ARL15: variants seen among roughly 807,000 people sequenced by gnomAD.
ARL15 encodes the protein ADP-ribosylation factor-like protein 15.
A neutral mutation model predicts 25.2 loss-of-function variants in ARL15; 19 were observed. The observed-to-expected ratio is 0.75, with a 90% CI of 0.53 to 1.10. The LOEUF is 1.10. Ranked by LOEUF, ARL15 falls within the 50% of genes least tolerant of loss-of-function variation. ARL15 has a pLI of 0.00. For missense variants in ARL15, 220 were observed against 246.0 expected, an observed-to-expected ratio of 0.89 and a Z score of 0.71; for synonymous variants, 94 against 86.8, an observed-to-expected ratio of 1.08 and a Z score of -0.46.
intron 1 of ARL15, among the ~76,000 whole-genome samples, chr5:54,290,812 A>G (rs1011137933): frequency 2.6e-5 from 4 of 152,184 alleles, no homozygotes; most frequent in Non-Finnish European, 5.9e-5. Flanking sequence ...AATTAAATGA[A>G]CACAACTTTT....
intron 3 of ARL15, among the ~76,000 whole-genome samples, chr5:54,116,077 T>C (rs1332934606): frequency 6.6e-6 from 1 of 152,152 alleles, no homozygotes; most frequent in Non-Finnish European, 1.5e-5. Flanking sequence ...AAAGCATGGA[T>C]TGAACCACAG....
At chr5:54,198,031 C>A (rs1232612548) in intron 1 of ARL15, among the ~76,000 whole-genome samples, 1 of 151,834 alleles carries the variant, frequency 6.6e-6, no homozygotes, top group Non-Finnish European at 1.5e-5. Context: ...ATAAACAGAA[C>A]CAAAGACAAA....
intron 1 of ARL15, among the ~76,000 whole-genome samples, chr5:54,242,601 G>A (rs1212714272): frequency 1.3e-5 from 2 of 152,150 alleles, no homozygotes; most frequent in Non-Finnish European, 2.9e-5. Context: ...TGGAAGGGTT[G>A]CTGAGAGGCC....
intron 1 of ARL15, among the ~76,000 whole-genome samples, chr5:54,174,366 C>A (rs766350083): frequency 4.6e-5 from 7 of 152,128 alleles, no homozygotes; most frequent in Non-Finnish European, 8.8e-5. Context: ...GCCTAGTTCC[C>A]AAAAGAGTGG....
chr5:53,975,448 C>T (rs1056580596), intron 4 of ARL15, among the ~76,000 whole-genome samples: 1 of 152,308 alleles, frequency 6.6e-6, no homozygotes, highest in Non-Finnish European at 1.5e-5. Flanking sequence ...AAGAAGTTCT[C>T]AAGGATCTTG....
chr5:53,909,442 C>T (rs951434668), intron 4 of ARL15, among the ~76,000 whole-genome samples: 3 of 152,198 alleles, frequency 2.0e-5, no homozygotes, highest in Non-Finnish European at 2.9e-5. Context: ...CACGGTGGCT[C>T]ACGCCAGTAA....
rs1753514926 is a variant in ARL15, at chr5:54,133,893, A to C, written c.254-20483T>G. ...TGAAGTTATACTCGCAAAAATGTTA[A>C]GATCAGATAAGAAAAAAAACTAGAG... is the stretch of plus-strand genomic sequence containing the variant. On this transcript the variant is annotated intron_variant, in intron 3 of 4. Coordinates refer to ENST00000504924, the MANE Select transcript of ARL15 (RefSeq NM_019087.3). 3.4e-5 allele frequency among the ~76,000 whole-genome samples: 5 copies of C among 148,824 alleles called. No individual in the cohort carries two copies. In the South Asian group the frequency reaches 1.0e-3, roughly 31 times the overall value.
intron 1 of ARL15, among the ~76,000 whole-genome samples, chr5:54,202,662 T>C (rs1755755921): frequency 6.6e-6 from 1 of 152,116 alleles, no homozygotes; most frequent in East Asian, 1.9e-4. Context: ...GGTAATATAC[T>C]AGCAATAGAA....
chr5:53,988,750 A>T (rs1349861006), intron 4 of ARL15, among the ~76,000 whole-genome samples: 1 of 152,192 alleles, frequency 6.6e-6, no homozygotes, highest in Non-Finnish European at 1.5e-5. Flanking sequence ...GATATAAAGG[A>T]TGAGAGAAAA....
intron 1 of ARL15, among the ~76,000 whole-genome samples, chr5:54,224,732 C>G (rs1431260078): frequency 6.6e-6 from 1 of 152,064 alleles, no homozygotes; most frequent in African/African-American, 2.4e-5. Context: ...TACTTTATAA[C>G]AAACTTTTAT....
chr5:54,149,969 C>G (rs1754016926), intron 3 of ARL15, among the ~76,000 whole-genome samples: 1 of 152,202 alleles, frequency 6.6e-6, no homozygotes, highest in Non-Finnish European at 1.5e-5. Context: ...AATATCCAGG[C>G]TTGCTAATAC....
At chr5:53,995,547 A>G (rs1441814590) in intron 4 of ARL15, among the ~76,000 whole-genome samples, 1 of 152,216 alleles carries the variant, frequency 6.6e-6, no homozygotes, top group South Asian at 2.1e-4. Flanking sequence ...AATGTCAGAA[A>G]ACAGTTACAC....
intron 1 of ARL15, among the ~76,000 whole-genome samples, chr5:54,261,668 A>C (rs1407368601): frequency 1.3e-5 from 2 of 152,180 alleles, no homozygotes; most frequent in African/African-American, 4.8e-5. Context: ...CTTTATATTC[A>C]TACAGCAGAA....
chr5:53,975,014 C>T (rs1423334202), intron 4 of ARL15, among the ~76,000 whole-genome samples: 2 of 152,114 alleles, frequency 1.3e-5, no homozygotes, highest in Non-Finnish European at 2.9e-5. Flanking sequence ...GTGAAGGAGG[C>T]ATGAGGGGAA....
intron 4 of ARL15, among the ~76,000 whole-genome samples, chr5:54,003,865 AAAGT>A (rs1316095935): frequency 2.6e-5 from 4 of 152,334 alleles, no homozygotes; most frequent in Non-Finnish European, 5.9e-5. Context: ...GTTAGAAACA[AAAGT>A]AAGCGTATCA....
At chr5:54,195,290 A>G (rs1014917339) in intron 1 of ARL15, among the ~76,000 whole-genome samples, 13 of 152,168 alleles carry the variant, frequency 8.5e-5, no homozygotes, top group African/African-American at 2.7e-4. Flanking sequence ...GAAAATACAG[A>G]AAAAAATCAA....
At chr5:53,961,124 T>C (rs1450877754) in intron 4 of ARL15, among the ~76,000 whole-genome samples, 1 of 152,190 alleles carries the variant, frequency 6.6e-6, no homozygotes, top group Non-Finnish European at 1.5e-5. Context: ...AGGTTATGGT[T>C]AGGCTTGAAA....
rs193102614 is a variant in ARL15 at position 54,126,582 on chromosome 5, C to T, written c.254-13172G>A. Among the ~76,000 whole-genome samples the T allele has an allele frequency of 2.2e-3, 342 of 152,260 alleles. 1 individual carries two copies. The highest frequency in any genetic ancestry group is 8.0e-3 in the African/African-American group (331 of 41,550). ...AAAAGCATGTATTGGGAACTTGGTC[C>T]TCAATCCAACAGTGTTGGGGGGTAG... On this transcript the variant is annotated intron_variant, in intron 3 of 4. Coordinates refer to ENST00000504924, the MANE Select transcript of ARL15 (RefSeq NM_019087.3).
chr5:54,252,749 AG>A (rs953922422), intron 1 of ARL15, among the ~76,000 whole-genome samples: 1 of 152,152 alleles, frequency 6.6e-6, no homozygotes, highest in Non-Finnish European at 1.5e-5. Flanking sequence ...TTTGGAGACA[AG>A]GTCTCACTCT....
Sources: gnomAD v4.1 joint callset for allele counts (sites outside exome capture counted in the v4.1 genomes callset) on GRCh38, gnomAD v4.1.1 for gene constraint, MANE v1.5 for transcripts, NCBI Gene and HGNC (gene_info 2026-07-23, HGNC 2026-07-21) for gene names.